Variants in SOX6 observed in about 807,000 individuals in gnomAD.
SOX6 encodes the protein transcription factor SOX-6.
A neutral mutation model predicts 97.8 loss-of-function variants in SOX6; 11 were observed. The ratio of observed to expected loss-of-function variants is 0.11; its 90% CI spans 0.07 to 0.19. SOX6 has a LOEUF of 0.19. SOX6 is among the 10% of genes least tolerant of loss of function. The pLI, the probability that SOX6 is intolerant of heterozygous loss-of-function variation, is 1.00. For missense variants in SOX6, 810 were observed against 1,039.5 expected, an observed-to-expected ratio of 0.78 and a Z score of 3.04; for synonymous variants, 360 against 371.4, an observed-to-expected ratio of 0.97 and a Z score of 0.35.
At chr11:16,169,835 G>A (rs1024445520) in intron 6 of SOX6, among the ~76,000 whole-genome samples, 1 of 151,812 alleles carries the variant, frequency 6.6e-6, no homozygotes, top group Non-Finnish European at 1.5e-5. Flanking sequence ...GGTGCTGATG[G>A]GGGCACCTCT....
chr11:16,626,454 T>A (rs2133992522), intron 3 of SOX6, among the ~76,000 whole-genome samples: 1 of 152,346 alleles, frequency 6.6e-6, no homozygotes, highest in Non-Finnish European at 1.5e-5. Context: ...ACCATAACAT[T>A]ACACTAAGTC....
intron 4 of SOX6, among the ~76,000 whole-genome samples, chr11:16,501,385 A>G (rs897386680): frequency 2.4e-4 from 37 of 152,232 alleles, no homozygotes; most frequent in Non-Finnish European, 4.4e-4. Flanking sequence ...AATACCATTC[A>G]GGACATAGGC....
At chr11:16,484,006 C>G in intron 4 of SOX6, 1 of 832,380 alleles carries the variant, frequency 1.2e-6, no homozygotes, top group Non-Finnish European at 2.1e-6. Context: ...CTCCAGGAGG[C>G]AAGGTCCTCG....
intron 3 of SOX6, among the ~76,000 whole-genome samples, chr11:16,646,568 C>T (rs748390364): frequency 1.3e-5 from 2 of 151,634 alleles, no homozygotes; most frequent in Non-Finnish European, 2.9e-5. Flanking sequence ...CTGGTGTACC[C>T]ATCATCTGAG....
chr11:16,354,275 C>T (rs1291599382), intron 1 of SOX6, among the ~76,000 whole-genome samples: 1 of 151,888 alleles, frequency 6.6e-6, no homozygotes, highest in East Asian at 1.9e-4. Context: ...CAAATGCTAA[C>T]TTTCTTTAAA....
intron 4 of SOX6, among the ~76,000 whole-genome samples, chr11:16,231,567 G>A (rs1324578856): frequency 6.6e-6 from 1 of 151,740 alleles, no homozygotes; most frequent in Non-Finnish European, 1.5e-5. Flanking sequence ...AAGGGTAACT[G>A]GCAATATGAA....
chr11:16,676,497 G>C (rs138218801), intron 3 of SOX6, among the ~76,000 whole-genome samples: 1 of 152,112 alleles, frequency 6.6e-6, no homozygotes, highest in Non-Finnish European at 1.5e-5. Flanking sequence ...CTGATACTTT[G>C]ACAAGTATAA....
intron 6 of SOX6, among the ~76,000 whole-genome samples, chr11:16,149,176 T>C (rs1850394774): frequency 6.6e-6 from 1 of 152,164 alleles, no homozygotes; most frequent in African/African-American, 2.4e-5. Context: ...CATTTTTTAA[T>C]ATACAAATTA....
chr11:16,544,475 GT>G (rs1306297939), intron 4 of SOX6, among the ~76,000 whole-genome samples: 2 of 151,976 alleles, frequency 1.3e-5, no homozygotes, highest in African/African-American at 2.4e-5. Context: ...GACTAGGCTG[GT>G]CTCAAACTCC....
intron 2 of SOX6, among the ~76,000 whole-genome samples, chr11:16,326,323 G>A (rs571124228): frequency 6.6e-6 from 1 of 152,010 alleles, no homozygotes; most frequent in East Asian, 1.9e-4. Context: ...GTCTCTAGAT[G>A]TTATTCTAAA....
chr11:16,463,803 C>A (rs889390675), intron 1 of SOX6, among the ~76,000 whole-genome samples: 2 of 152,162 alleles, frequency 1.3e-5, no homozygotes, highest in African/African-American at 4.8e-5. Flanking sequence ...ATAACTTCAA[C>A]CAATCCACAA....
Position 16,234,581 on chromosome 11 carries a change from C to G in SOX6, c.535+1G>C. The G allele has an allele frequency of 6.5e-7, 1 of 1,531,356 alleles. No homozygotes were observed. The highest frequency in any genetic ancestry group is 9.0e-7 in the Non-Finnish European group (1 of 1,109,084). The allele number at this position is 1,531,356 out of a possible 1,614,324, so 94.9% of individuals were successfully genotyped here. On this transcript the variant is annotated splice_donor_variant, in intron 4 of 15. Coordinates refer to ENST00000683767, the MANE Select transcript of SOX6 (RefSeq NM_001367873.1). LOFTEE classifies it high-confidence loss of function. Reference sequence around the variant, plus strand: ...CATGTTCGATATATTTTATGTTGTACCTTTAATTTCTCCAAGAAGTTCACT... The same window carrying G: ...CATGTTCGATATATTTTATGTTGTAGCTTTAATTTCTCCAAGAAGTTCACT...
intron 10 of SOX6, among the ~76,000 whole-genome samples, chr11:16,052,168 C>A (rs780016904): frequency 2.0e-5 from 3 of 152,006 alleles, no homozygotes; most frequent in Non-Finnish European, 2.9e-5. Context: ...TCAGTAATTG[C>A]CACTTTAACC....
At chr11:16,479,985 A>T (rs1404531255), upstream of SOX6, among the ~76,000 whole-genome samples, 2 of 152,132 alleles carry the variant, frequency 1.3e-5, no homozygotes, top group Non-Finnish European at 2.9e-5. Flanking sequence ...TGTGCTACAT[A>T]CATATAACAC....
chr11:16,229,378 C>T (rs1176585595), intron 4 of SOX6, among the ~76,000 whole-genome samples: 2 of 151,472 alleles, frequency 1.3e-5, no homozygotes, highest in Non-Finnish European at 1.5e-5. Context: ...TACCAAAAAA[C>T]AAACAAAAGA....
At chr11:16,177,956 A>G (rs1199606891) in intron 6 of SOX6, among the ~76,000 whole-genome samples, 5 of 151,920 alleles carry the variant, frequency 3.3e-5, no homozygotes, top group Non-Finnish European at 7.4e-5. Context: ...AGTACAGTGC[A>G]GTCTAAGAGA....
At chr11:16,206,050 A>G (rs1264742400) in intron 4 of SOX6, among the ~76,000 whole-genome samples, 1 of 152,138 alleles carries the variant, frequency 6.6e-6, no homozygotes, top group East Asian at 1.9e-4. Context: ...GCATTAGAAA[A>G]AAAAAACACT....
At chr11:16,194,601 C>G (rs1310341159) in intron 4 of SOX6, among the ~76,000 whole-genome samples, 6 of 152,100 alleles carry the variant, frequency 3.9e-5, no homozygotes, top group African/African-American at 1.4e-4. Flanking sequence ...TCATTAGAAT[C>G]TACAGTGTAC....
intron 13 of SOX6, among the ~76,000 whole-genome samples, chr11:16,011,121 A>C (rs1854711341): frequency 6.6e-6 from 1 of 152,088 alleles, no homozygotes; most frequent in Non-Finnish European, 1.5e-5. Flanking sequence ...AGTTGGAATA[A>C]GAATTGCACT....
Sources: allele counts gnomAD v4.1 joint callset (sites outside exome capture counted in the v4.1 genomes callset), GRCh38; gene constraint gnomAD v4.1.1; transcripts MANE v1.5; gene names NCBI Gene and HGNC (gene_info 2026-07-23, HGNC 2026-07-21).